AP3D1: variants seen among roughly 807,000 people sequenced by gnomAD.
The protein encoded by AP3D1 is adaptor related protein complex 3 subunit delta 1.
A neutral mutation model predicts 147.6 loss-of-function variants in AP3D1; 51 were observed. The ratio of observed to expected loss-of-function variants is 0.35; its 90% CI spans 0.28 to 0.44. The LOEUF (loss-of-function observed/expected upper bound fraction) is 0.44, where lower values mean the gene tolerates loss of function less well. Ranked by LOEUF, AP3D1 falls within the 20% of genes least tolerant of loss-of-function variation. The pLI is 1.00. For synonymous variants in AP3D1, 760 were observed against 663.0 expected (o/e 1.15, Z -2.25); for missense variants, 1,421 against 1,624.2 (o/e 0.87, Z 2.15).
At chr19:2,117,767 G>A (rs1167054490) in intron 15 of AP3D1, among the ~76,000 whole-genome samples, 7 of 152,226 alleles carry the variant, frequency 4.6e-5, no homozygotes, top group African/African-American at 9.6e-5. Context: ...GGCCAGCCCC[G>A]AGCTAATGCC....
At chr19:2,126,818 C>T (rs1014924897) in intron 9 of AP3D1, among the ~76,000 whole-genome samples, 1 of 152,092 alleles carries the variant, frequency 6.6e-6, no homozygotes, top group Admixed American at 6.5e-5. Context: ...CAGCAGGGGC[C>T]GGCATCTGTG....
At chr19:2,130,342 A>G in intron 6 of AP3D1, 66 bp downstream of exon 6, 1 of 1,604,406 alleles carries the variant, frequency 6.2e-7, no homozygotes, top group Non-Finnish European at 8.5e-7. Flanking sequence ...ACACGCCACC[A>G]CCTCTTCCCA....
At chr19:2,123,776 GGT>G (rs2018675229) in intron 10 of AP3D1, 52 bp downstream of exon 10, 1 of 1,543,986 alleles carries the variant, frequency 6.5e-7, no homozygotes, top group Non-Finnish European at 8.7e-7. Flanking sequence ...CCTGTGGAAA[GGT>G]GTGGCCTCTG....
At chr19:2,117,535 T>C (rs1325557299) in intron 15 of AP3D1, among the ~76,000 whole-genome samples, 168 bp from the exon 16 acceptor site, 1 of 152,190 alleles carries the variant, frequency 6.6e-6, no homozygotes, top group African/African-American at 2.4e-5. Flanking sequence ...GTCATCATCC[T>C]CGCCAGGAAG....
Position 2,114,264 on chromosome 19 carries a change from T to C in AP3D1, c.2462A>G (p.His821Arg). 6 of 1,612,810 alleles carry C rather than the reference T, an allele frequency of 3.7e-6. No homozygotes were observed. The highest frequency in any genetic ancestry group is 1.1e-5 in the South Asian group (1 of 91,036). ...GGATTTTGAGGTCTCGGTGTTTCTGTGTTTCTGAATAGGCAGTTTCTCGCT... is the reference window on the plus strand; with the variant it reads ...GGATTTTGAGGTCTCGGTGTTTCTGCGTTTCTGAATAGGCAGTTTCTCGCT... ...ADSEKLPIQK[H>R]RNTETSKSPE... Residue 821 changes from histidine to arginine, a missense_variant, in exon 22 of 32, where the codon CAC becomes CGC. Coordinates refer to ENST00000643116, the MANE Select transcript of AP3D1 (RefSeq NM_001261826.3).
chr19:2,136,180 C>T (rs971437917), intron 4 of AP3D1, among the ~76,000 whole-genome samples: 5 of 152,254 alleles, frequency 3.3e-5, no homozygotes, highest in African/African-American at 1.2e-4. Flanking sequence ...GCTCTATAAC[C>T]TTGCCCACAA....
chr19:2,135,669 A>G (rs922072939), intron 4 of AP3D1, among the ~76,000 whole-genome samples: 1 of 152,168 alleles, frequency 6.6e-6, no homozygotes, highest in African/African-American at 2.4e-5. Flanking sequence ...GGCCAGGGGC[A>G]GGCACCAGGT....
rs572208167 is a variant in AP3D1, at chr19:2,111,023, C to T, written c.2986-127G>A. 677 of 1,117,478 alleles carry T rather than the reference C, an allele frequency of 6.1e-4. 2 individuals are homozygous for T. Among genetic ancestry groups the T allele is most frequent in the Non-Finnish European group, 5.3e-4 (416 of 789,968 alleles). The allele number at this position is 1,117,478 out of a possible 1,614,324, so 69.2% of individuals were successfully genotyped here. A position where few individuals can be genotyped will look rare whatever the true frequency, so the allele number is the denominator to read the frequency against. Reference sequence around the variant, plus strand: ...AGGCACAGGAAGGCACGGAGAGGGGCGCCCCCTAGCCGCAGGCCAAGCGCC... The same window carrying T: ...AGGCACAGGAAGGCACGGAGAGGGGTGCCCCCTAGCCGCAGGCCAAGCGCC... On this transcript the variant is annotated intron_variant, in intron 26 of 31. Transcript: ENST00000643116.
chr19:2,111,863 G>C, intron 24 of AP3D1, 35 bp from the exon 25 acceptor site: 1 of 1,611,002 alleles, frequency 6.2e-7, no homozygotes, highest in South Asian at 1.1e-5. Flanking sequence ...CAGTGCCCAG[G>C]CTGCTCCAGC....
At chr19:2,141,876 A>T (rs1322132991) in intron 1 of AP3D1, among the ~76,000 whole-genome samples, 1 of 151,544 alleles carries the variant, frequency 6.6e-6, no homozygotes, top group African/African-American at 2.4e-5. Context: ...GAGTACAGTA[A>T]ATAGCTGGGA....
intron 31 of AP3D1, among the ~76,000 whole-genome samples, chr19:2,102,602 C>T (rs1014752170): frequency 3.3e-5 from 5 of 151,990 alleles, no homozygotes. Context: ...GTGGCGGGTG[C>T]CTGTAGTCCC....
chr19:2,112,054 C>A (rs560699778), intron 24 of AP3D1: 1 of 632,576 alleles, frequency 1.6e-6, no homozygotes, highest in Non-Finnish European at 2.7e-6. Flanking sequence ...CAAAGCAGCC[C>A]GGGGAACAGT....
At chr19:2,157,741 C>G (rs1045255565) in intron 1 of AP3D1, among the ~76,000 whole-genome samples, 2 of 149,258 alleles carry the variant, frequency 1.3e-5, no homozygotes, top group Non-Finnish European at 3.0e-5. Flanking sequence ...ACCCATCCAT[C>G]CATTCAACAA....
chr19:2,121,833 G>A lies in AP3D1; in HGVS notation c.1002C>T (p.His334=), dbSNP rs200671921. 8.1e-6 allele frequency: 13 copies of A among 1,612,320 alleles called. No individual in the cohort carries two copies. The Middle Eastern group carries it at 8.3e-4, about 103-fold the overall frequency. Residue 334 remains histidine, a synonymous_variant, in exon 12 of 32, where the codon CAC becomes CAT. Transcript: ENST00000643116. ...LLAMSKILKT[H]PKSVQSHKDL... Reference sequence around the variant, plus strand: ...CCTTGTGGGACTGCACGGACTTGGGGTGGGTCTTCAGGATCTTGGACATTG... The same window carrying A: ...CCTTGTGGGACTGCACGGACTTGGGATGGGTCTTCAGGATCTTGGACATTG...
At chr19:2,148,495 T>C (rs530062147) in intron 1 of AP3D1, among the ~76,000 whole-genome samples, 213 of 152,332 alleles carry the variant, frequency 1.4e-3, no homozygotes, top group African/African-American at 4.9e-3. Flanking sequence ...AGCATAACCA[T>C]TAAATTGAAT....
chr19:2,160,799 T>G (rs535285897), intron 1 of AP3D1, among the ~76,000 whole-genome samples: 7 of 152,194 alleles, frequency 4.6e-5, no homozygotes, highest in Admixed American at 4.6e-4. Context: ...CAGGGCCAGA[T>G]TGTTCTCTGG....
chr19:2,118,830 T>G lies in AP3D1; in HGVS notation c.1484A>C (p.His495Pro). ...AAWICGEFSE[H>P]LQEPHHTLEA... is the part of the protein sequence containing the mutation. ...CAAAGTGTGGTGTGGTTCCTGCAGA[T>G]GCCTGAGGACAGGAAACACTGTGAG... The change falls in exon 15 of 32, where the codon CAT becomes CCT. Residue 495 changes from histidine to proline, a missense_variant and splice_region_variant. Physicochemically the swap from His to Pro is moderately conservative, Grantham distance 77. Around this residue, in one of 6 missense-constraint regions of AP3D1, gnomAD observed 310 missense variants for 388.1 expected, o/e 0.80. Coordinates refer to ENST00000643116, the MANE Select transcript of AP3D1 (RefSeq NM_001261826.3). The G allele has an allele frequency of 6.2e-7, 1 of 1,612,914 alleles. No individual in the cohort carries two copies. The highest frequency in any genetic ancestry group is 8.5e-7 in the Non-Finnish European group (1 of 1,179,640).
At chr19:2,158,598 G>T (rs1297718700) in intron 1 of AP3D1, among the ~76,000 whole-genome samples, 2 of 151,248 alleles carry the variant, frequency 1.3e-5, no homozygotes, top group African/African-American at 2.4e-5. Flanking sequence ...CTGAGCCACC[G>T]ATCCCAGCTC....
In AP3D1 at chr19:2,114,182, C is replaced by G; in HGVS notation, c.2544G>C (p.Glu848Asp). 6.2e-7 allele frequency: 1 copy of G among 1,600,074 alleles called. No homozygotes were observed. The highest frequency in any genetic ancestry group is 8.5e-7 in the Non-Finnish European group (1 of 1,172,980). Residue 848 changes from glutamate (E) to aspartate (D), a missense_variant, in exon 22 of 32, where the codon GAG (glutamate) becomes GAC (aspartate). By Grantham distance (45) the Glu-to-Asp change is conservative (BLOSUM62 2). Coordinates refer to ENST00000643116, the MANE Select transcript of AP3D1 (RefSeq NM_001261826.3). ...CTCTCTCTTTCTCTTTGTGTTTTTT[C>G]TCTTTCTTCTTGGGTTTCTTGCTCT... The part of the protein sequence containing the change: ...EKKSKKPKKK[E>D]KKHKEKERDK...
Sources: gnomAD v4.1 joint callset for allele counts (sites outside exome capture counted in the v4.1 genomes callset) on GRCh38, gnomAD v4.1.1 for gene constraint, gnomAD v4.1.1 regional missense constraint, MANE v1.5 for transcripts, NCBI Gene and HGNC (gene_info 2026-07-23, HGNC 2026-07-21) for gene names.